Variants in CNTN1 observed in about 807,000 individuals in gnomAD.
The protein encoded by CNTN1 is contactin 1.
A neutral mutation model predicts 126.4 loss-of-function variants in CNTN1; 38 were observed. That is an observed-to-expected ratio of 0.30 (90% CI 0.23 to 0.39). CNTN1 has a LOEUF of 0.39. CNTN1 is among the 10% of genes least tolerant of loss of function. The pLI, the probability that CNTN1 is intolerant of heterozygous loss-of-function variation, is 1.00. For missense variants in CNTN1, 1,009 were observed against 1,248.4 expected (o/e 0.81, Z 2.89); for synonymous variants, 413 against 422.6 (o/e 0.98, Z 0.28).
chr12:40,785,761 T>C (rs1939993606), intron 1 of CNTN1, among the ~76,000 whole-genome samples: 1 of 152,152 alleles, frequency 6.6e-6, no homozygotes, highest in Non-Finnish European at 1.5e-5. Context: ...GGATCTTCAG[T>C]TGCTTCAGGC....
Position 40,933,697 on chromosome 12 carries a change from T to G in CNTN1, c.804T>G (p.Asn268Lys). ...TAACCCTTGTATCTTCTATTTAAAG[T>G]CCTGTTCCGGATATCCGATGGCGGA... ...NVTLECFALG[N>K]PVPDIRWRKV... The change falls in exon 9 of 24, where the codon AAT becomes AAG. Residue 268 changes from asparagine to lysine, a missense_variant and splice_region_variant. Transcript: ENST00000551295. The G allele has an allele frequency of 6.2e-7, 1 of 1,612,602 alleles. No individual in the cohort carries two copies. Among genetic ancestry groups the G allele is most frequent in the Non-Finnish European group, 8.5e-7 (1 of 1,178,950 alleles).
At chr12:40,917,441 G>A (rs1423159843) in intron 3 of CNTN1, among the ~76,000 whole-genome samples, 1 of 152,022 alleles carries the variant, frequency 6.6e-6, no homozygotes, top group African/African-American at 2.4e-5. Context: ...TAAATAATTT[G>A]TCCAAAGGCA....
intron 23 of CNTN1, among the ~76,000 whole-genome samples, chr12:41,043,543 T>G (rs1949470681): frequency 6.6e-6 from 1 of 152,158 alleles, no homozygotes; most frequent in African/African-American, 2.4e-5. Context: ...ACTTTTACAC[T>G]GTTGGTGGGA....
At chr12:40,873,897 G>A (rs191676897) in intron 1 of CNTN1, among the ~76,000 whole-genome samples, 56 of 152,182 alleles carry the variant, frequency 3.7e-4, no homozygotes, top group Middle Eastern at 6.8e-3. Context: ...TGTGTACTGG[G>A]CCCTTTAGTA....
intron 1 of CNTN1, among the ~76,000 whole-genome samples, chr12:40,727,556 TA>T (rs1266803656): frequency 1.3e-5 from 2 of 152,182 alleles, no homozygotes; most frequent in Non-Finnish European, 2.9e-5. Flanking sequence ...ATATTGGATT[TA>T]AGTGATAGAA....
chr12:40,949,565 C>CTTTTTTTTTT, intron 14 of CNTN1, among the ~76,000 whole-genome samples: 1 of 97,558 alleles, frequency 1.0e-5, no homozygotes, highest in Non-Finnish European at 2.1e-5. Context: ...CTTTTCTTTT[C>CTTTTTTTTTT]TTTCTTTTTT....
intron 14 of CNTN1, among the ~76,000 whole-genome samples, chr12:40,946,465 G>A (rs1206347157): frequency 1.3e-5 from 2 of 152,066 alleles, no homozygotes; most frequent in African/African-American, 2.4e-5. Context: ...CATGCCATAA[G>A]CAGACACAGT....
chr12:41,007,788 C>T (rs73277757), intron 17 of CNTN1, among the ~76,000 whole-genome samples: 190 of 152,152 alleles, frequency 1.2e-3, no homozygotes, highest in African/African-American at 4.3e-3. Flanking sequence ...TACACTTGGC[C>T]GACAAAGGGA....
chr12:40,718,918 A>G (rs927711921), intron 1 of CNTN1, among the ~76,000 whole-genome samples: 7 of 150,386 alleles, frequency 4.7e-5, no homozygotes, highest in African/African-American at 1.5e-4. Flanking sequence ...TTTTTTTCCC[A>G]TTAGAGAACA....
chr12:40,869,515 C>T (rs2136665505), intron 1 of CNTN1, among the ~76,000 whole-genome samples: 1 of 152,170 alleles, frequency 6.6e-6, no homozygotes, highest in African/African-American at 2.4e-5. Context: ...AGCAGTCTGC[C>T]CACTTCAGCC....
At chr12:41,055,581 T>TTC (rs1281152414) in intron 23 of CNTN1, among the ~76,000 whole-genome samples, 2 of 152,106 alleles carry the variant, frequency 1.3e-5, no homozygotes, top group Non-Finnish European at 2.9e-5. Flanking sequence ...GAAAGGCCAT[T>TTC]TCTGCACCCA....
intron 1 of CNTN1, among the ~76,000 whole-genome samples, chr12:40,836,918 A>C (rs1186939816): frequency 6.6e-6 from 1 of 152,170 alleles, no homozygotes; most frequent in Non-Finnish European, 1.5e-5. Context: ...AAAACTCTTC[A>C]GCTCAGGATT....
chr12:40,935,539 T>C (rs2136925564), intron 9 of CNTN1, among the ~76,000 whole-genome samples: 1 of 152,234 alleles, frequency 6.6e-6, no homozygotes, highest in South Asian at 2.1e-4. Flanking sequence ...ATAGACTGTG[T>C]CAAGCCAATT....
At chr12:40,964,765 G>A (rs928755640) in intron 15 of CNTN1, among the ~76,000 whole-genome samples, 13 of 151,958 alleles carry the variant, frequency 8.6e-5, no homozygotes, top group Non-Finnish European at 1.6e-4. Flanking sequence ...AAAGTAACAC[G>A]GTCGAACAAA....
intron 14 of CNTN1, among the ~76,000 whole-genome samples, chr12:40,946,997 G>A (rs1274314665): frequency 1.9e-4 from 29 of 151,986 alleles, no homozygotes; most frequent in Non-Finnish European, 4.1e-4. Flanking sequence ...TAGGAAAAAT[G>A]TAACTGTACA....
chr12:40,719,014 AAC>A lies in CNTN1; in HGVS notation c.-77+26424_-77+26425del, dbSNP rs1942122022. ...TGTTTGGAGGGGTTGATTTTTTTTT[AAC>A]AGAGGCTATTTGAGATCAGCATTAT... is the stretch of plus-strand genomic sequence containing the variant. On this transcript the variant is annotated intron_variant, in intron 1 of 23. Coordinates refer to ENST00000551295, the MANE Select transcript of CNTN1 (RefSeq NM_001843.4). Among the ~76,000 whole-genome samples the A allele has an allele frequency of 2.6e-5, 4 of 151,790 alleles. No individual in the cohort carries two copies. The South Asian group carries it at 8.3e-4, about 32-fold the overall frequency.
intron 1 of CNTN1, among the ~76,000 whole-genome samples, chr12:40,790,270 G>T (rs571716546): frequency 6.6e-6 from 1 of 152,174 alleles, no homozygotes; most frequent in South Asian, 2.1e-4. Flanking sequence ...CAACACAGAT[G>T]AACTTCAGGA....
At chr12:40,847,008 C>A (rs576114684) in intron 1 of CNTN1, among the ~76,000 whole-genome samples, 1 of 152,212 alleles carries the variant, frequency 6.6e-6, no homozygotes, top group Non-Finnish European at 1.5e-5. Flanking sequence ...GCTGGGGTTA[C>A]GGGCGTGTGC....
At position 40,943,593 on chromosome 12, in the gene CNTN1, C is replaced by A; in HGVS notation, c.1380-4C>A. 6.4e-7 allele frequency: 1 copy of A among 1,555,952 alleles called. No individual in the cohort carries two copies. The highest frequency in any genetic ancestry group is 8.9e-7 in the Non-Finnish European group (1 of 1,127,728). Reference sequence around the variant, plus strand: ...GTGAATTATATATATTTTTATTTCACTAGAATACTCATTTGGGAAGATGGT... The same window carrying A: ...GTGAATTATATATATTTTTATTTCAATAGAATACTCATTTGGGAAGATGGT... On this transcript the variant is annotated splice_polypyrimidine_tract_variant and splice_region_variant and intron_variant, in intron 12 of 23. Coordinates refer to ENST00000551295, the MANE Select transcript of CNTN1 (RefSeq NM_001843.4).
Sources: gnomAD v4.1 joint callset for allele counts (sites outside exome capture counted in the v4.1 genomes callset) on GRCh38, gnomAD v4.1.1 for gene constraint, MANE v1.5 for transcripts, NCBI Gene and HGNC (gene_info 2026-07-23, HGNC 2026-07-21) for gene names.